GUCY2D: variants seen among roughly 807,000 people sequenced by gnomAD.
GUCY2D encodes the protein guanylate cyclase 2D, retinal.
In GUCY2D, 70 loss-of-function variants were observed where a neutral mutation model predicts 101.3. That is an observed-to-expected ratio of 0.69 (90% confidence interval 0.57 to 0.84). GUCY2D has a LOEUF of 0.84. GUCY2D is among the 40% of genes least tolerant of loss of function. The probability of loss-of-function intolerance (pLI) is 0.00; values close to 1 mark genes in which losing one functional copy is unlikely to be tolerated. For missense variants in GUCY2D, 1,460 were observed against 1,542.5 expected, an observed-to-expected ratio of 0.95 and a Z score of 0.90; for synonymous variants, 688 against 670.7, an observed-to-expected ratio of 1.03 and a Z score of -0.40.
In GUCY2D at chr17:8,013,300, G is replaced by A; in HGVS notation, c.2263+48G>A. 6.3e-7 allele frequency: 1 copy of A among 1,587,218 alleles called. No homozygotes were observed. Among genetic ancestry groups the A allele is most frequent in the East Asian group, 2.2e-5 (1 of 44,700 alleles). On this transcript the variant is annotated intron_variant, in intron 11 of 19. Coordinates refer to ENST00000254854, the MANE Select transcript of GUCY2D (RefSeq NM_000180.4). This position sits in a 1 kb window ranked among gnomAD's most constrained non-coding sequence, Gnocchi z 5.0. ...GTTCGGCCCACAGGGGCACCCTGCA[G>A]TTAGAAAAGAGCCAGCCTCACTCTT...
At chr17:8,015,685 C>T (rs1427160469) in intron 15 of GUCY2D, 58 bp from the exon 16 acceptor site, 3 of 1,361,882 alleles carry the variant, frequency 2.2e-6, no homozygotes, top group Non-Finnish European at 3.1e-6. Context: ...CGAGGCCCTA[C>T]CTAGGTGCAG....
chr17:8,014,401 TC>T lies in GUCY2D; in HGVS notation c.2413-199del. ...GAGATCAACTGACCTCTGGGAACCC[TC>T]ATTTCCCACGTGCCTCCTAATCGTG... On this transcript the variant is annotated intron_variant, in intron 12 of 19. Coordinates refer to ENST00000254854, the MANE Select transcript of GUCY2D (RefSeq NM_000180.4). The surrounding 1 kb of genome is among the most constrained non-coding windows in gnomAD (Gnocchi z 4.0). 1 of 649,490 alleles carries T rather than the reference TC, an allele frequency of 1.5e-6. No individual in the cohort carries two copies. The highest frequency in any genetic ancestry group is 1.7e-5 in the South Asian group (1 of 59,192). 40.2% of individuals were successfully genotyped at this position (649,490 alleles called of 1,614,324 possible).
intron 19 of GUCY2D, among the ~76,000 whole-genome samples, chr17:8,019,289 T>C (rs1032926141): frequency 4.6e-5 from 7 of 152,040 alleles, no homozygotes; most frequent in Non-Finnish European, 1.0e-4. Flanking sequence ...CTGGAGTAGT[T>C]AATGGTGTGT....
intron 19 of GUCY2D, among the ~76,000 whole-genome samples, chr17:8,017,118 C>G (rs1975993536): frequency 6.6e-6 from 1 of 152,218 alleles, no homozygotes. Context: ...AGCTCTGCCT[C>G]AAAGGATTTT....
Position 8,012,368 on chromosome 17 carries a change from G to T in GUCY2D, c.1956+18G>T. 1 of 1,610,654 alleles carries T rather than the reference G, an allele frequency of 6.2e-7. No individual in the cohort carries two copies. Among genetic ancestry groups the T allele is most frequent in the South Asian group, 1.1e-5 (1 of 91,036 alleles). On this transcript the variant is annotated intron_variant, in intron 9 of 19. Coordinates refer to ENST00000254854, the MANE Select transcript of GUCY2D (RefSeq NM_000180.4). The stretch of plus-strand genomic sequence containing the variant: ...TTATCAAGGTGTGTGTCTGGGGGTG[G>T]TGGGGTGACGTCCTGGGGGCAGGGA...
intron 15 of GUCY2D, 72 bp from the exon 16 acceptor site, chr17:8,015,671 C>A: frequency 1.6e-6 from 2 of 1,256,812 alleles, no homozygotes; most frequent in East Asian, 2.5e-5. Context: ...GTGCGAAGAT[C>A]CCCCGAGGCC....
In GUCY2D at chr17:8,006,393, G is replaced by A. The variant is rs774420737; in HGVS notation, c.1057G>A (p.Ala353Thr). ...CCCACTCTTTGGCACCATCTATGAC[G>A]CGGTCTTCTTGCTGGCAAGGGGCGT... ...VSPLFGTIYD[A>T]VFLLARGVAE... The change falls in exon 4 of 20, where the codon GCG becomes ACG. Residue 353 changes from alanine to threonine, a missense_variant. Transcript: ENST00000254854. 2.5e-6 allele frequency: 4 copies of A among 1,601,132 alleles called. No individual in the cohort carries two copies. Among genetic ancestry groups the A allele is most frequent in the Non-Finnish European group, 3.4e-6 (4 of 1,179,960 alleles).
At chr17:8,006,961 C>A in intron 4 of GUCY2D, 99 bp from the exon 5 acceptor site, 1 of 1,007,128 alleles carries the variant, frequency 9.9e-7, no homozygotes, top group Non-Finnish European at 1.6e-6. Context: ...GGGCCCCCAT[C>A]CCCCTTTCCT....
rs1476299518 is a variant in GUCY2D, at chr17:8,011,648, C to T, written c.1750-496C>T. On this transcript the variant is annotated intron_variant, in intron 8 of 19. Transcript: ENST00000254854. The surrounding 1 kb of genome is among the most constrained non-coding windows in gnomAD (Gnocchi z 4.3). ...GACCAGCCTGGGCAACATAGCAAGGCTCCCATCTCTACAGAAAAAAAATTT... is the reference window on the plus strand; with the variant it reads ...GACCAGCCTGGGCAACATAGCAAGGTTCCCATCTCTACAGAAAAAAAATTT... 1.3e-5 allele frequency among the ~76,000 whole-genome samples: 2 copies of T among 152,084 alleles called. No homozygotes were observed. Among genetic ancestry groups the T allele is most frequent in the African/African-American group, 4.8e-5 (2 of 41,402 alleles).
intron 19 of GUCY2D, 133 bp downstream of exon 19, chr17:8,016,687 C>A: frequency 1.7e-6 from 1 of 598,140 alleles, no homozygotes; most frequent in Non-Finnish European, 3.0e-6. Flanking sequence ...CCGGGGCTTC[C>A]CCTGGGAGGG....
At position 8,012,471 on chromosome 17, in the gene GUCY2D, C is replaced by T. The variant is rs61750161; in HGVS notation, c.1978C>T (p.Arg660Ter). ...CAAGGGAATAAGGTATCTGCACCAT[C>T]GAGGCGTGGCTCATGGGCGGCTGAA... ...LIKGIRYLHH[R>*]GVAHGRLKSR... Residue 660 changes from arginine (R) to a stop codon, truncating the protein, a stop_gained, in exon 10 of 20, where the codon CGA (arginine) becomes TGA (stop). Transcript: ENST00000254854. LOFTEE classifies it high-confidence loss of function. The T allele has an allele frequency of 4.3e-6, 7 of 1,614,052 alleles. No homozygotes were observed. Among genetic ancestry groups the T allele is most frequent in the East Asian group, 4.5e-5 (2 of 44,886 alleles).
Position 8,015,106 on chromosome 17 carries a change from C to T in GUCY2D, c.2769+55C>T, listed in dbSNP as rs575870524. 3 of 1,461,432 alleles carry T rather than the reference C, an allele frequency of 2.1e-6. No individual in the cohort carries two copies. The African/African-American group carries it at 4.2e-5, about 20-fold the overall frequency. 90.5% of individuals were successfully genotyped at this position (1,461,432 alleles called of 1,614,324 possible). ...ACCTTCAATTCAGCTTCACCAGCCT[C>T]CAGCCCAGCCCTTCCTGCGCAGCCC... On this transcript the variant is annotated intron_variant, in intron 14 of 19. Coordinates refer to ENST00000254854, the MANE Select transcript of GUCY2D (RefSeq NM_000180.4).
rs1975969639 is a variant in GUCY2D at position 8,016,177 on chromosome 17, A to C, written c.3139-28A>C. On this transcript the variant is annotated intron_variant, in intron 17 of 19. Transcript: ENST00000254854. ...CCCACCCCTCACCCCAGTCCGCCTAAGTCCTTCCCTCTCCCATGTCTCCCC... is the reference window on the plus strand; with the variant it reads ...CCCACCCCTCACCCCAGTCCGCCTACGTCCTTCCCTCTCCCATGTCTCCCC... 2.0e-6 allele frequency: 3 copies of C among 1,499,944 alleles called. No individual in the cohort carries two copies. In the Admixed American group the frequency reaches 5.7e-5, roughly 29 times the overall value. 92.9% of individuals were successfully genotyped at this position (1,499,944 alleles called of 1,614,324 possible). A position where few individuals can be genotyped will look rare whatever the true frequency, so the allele number is the denominator to read the frequency against.
At position 8,016,287 on chromosome 17, in the gene GUCY2D, C is replaced by G. The variant is rs752784361; in HGVS notation, c.3221C>G (p.Pro1074Arg). The G allele has an allele frequency of 1.3e-6, 2 of 1,565,074 alleles. No individual in the cohort carries two copies. Among genetic ancestry groups the G allele is most frequent in the South Asian group, 1.2e-5 (1 of 85,308 alleles). Reference protein sequence around the residue: ...KPIPKPPDLQPGSSNHGISLQ... With the variant: ...KPIPKPPDLQRGSSNHGISLQ... ...ATCCCCAAACCGCCTGACCTGCAACCGGGGTGAGGGGCCGGCCTCCGCGGC... is the reference window on the plus strand; with the variant it reads ...ATCCCCAAACCGCCTGACCTGCAACGGGGGTGAGGGGCCGGCCTCCGCGGC... Residue 1074 changes from proline to arginine, a missense_variant, in exon 18 of 20, where the codon CCG becomes CGG. This residue lies in a region of GUCY2D where 215 missense variants were observed against 227.9 expected (regional missense o/e 0.94). Coordinates refer to ENST00000254854, the MANE Select transcript of GUCY2D (RefSeq NM_000180.4).
At position 8,014,611 on chromosome 17, in the gene GUCY2D, T is replaced by C; in HGVS notation, c.2423T>C (p.Ile808Thr). Reference protein sequence around the residue: ...MDHTFDLFKNINKGRKTNIID... With the variant: ...MDHTFDLFKNTNKGRKTNIID... ...TCCTTCTACTGCTAGTTCAAGAACATCAACAAGGGCCGGAAGACGAACATC... is the reference window on the plus strand; with the variant it reads ...TCCTTCTACTGCTAGTTCAAGAACACCAACAAGGGCCGGAAGACGAACATC... Residue 808 changes from isoleucine to threonine, a missense_variant, in exon 13 of 20, where the codon ATC becomes ACC. Around this residue, in one of 3 missense-constraint regions of GUCY2D, gnomAD observed 1,196 missense variants for 1,229.6 expected, o/e 0.97. Transcript: ENST00000254854. This position sits in a 1 kb window ranked among gnomAD's most constrained non-coding sequence, Gnocchi z 4.0. The C allele has an allele frequency of 6.2e-7, 1 of 1,614,082 alleles. No individual in the cohort carries two copies. The highest frequency in any genetic ancestry group is 1.1e-5 in the South Asian group (1 of 91,072).
rs752736704 is a variant in GUCY2D, at chr17:8,016,072, C to T, written c.3138+51C>T. ...GGAGGCCCCGCCCTGTCCTGAGGCACCGCCCATCCCGGGCCGCGGCTGCAA... is the reference window on the plus strand; with the variant it reads ...GGAGGCCCCGCCCTGTCCTGAGGCATCGCCCATCCCGGGCCGCGGCTGCAA... On this transcript the variant is annotated intron_variant, in intron 17 of 19. Transcript: ENST00000254854. 1.7e-5 allele frequency: 25 copies of T among 1,489,834 alleles called. No homozygotes were observed. In the Middle Eastern group the frequency reaches 2.5e-3, roughly 152 times the overall value. The allele number at this position is 1,489,834 out of a possible 1,614,324, so 92.3% of individuals were successfully genotyped here.
intron 19 of GUCY2D, among the ~76,000 whole-genome samples, chr17:8,018,999 A>T (rs915039223): frequency 2.6e-5 from 4 of 152,222 alleles, no homozygotes; most frequent in African/African-American, 9.7e-5. Context: ...GTGCAATTTT[A>T]AAAACATTTT....
In GUCY2D at chr17:8,015,505, AACTC is replaced by A. The variant is rs1181050710; in HGVS notation, c.2944+4_2944+7del. On this transcript the variant is annotated splice_donor_5th_base_variant and intron_variant, in intron 15 of 19. Coordinates refer to ENST00000254854, the MANE Select transcript of GUCY2D (RefSeq NM_000180.4). ...CATCCGCATAGGCCTGCACTCGGGT[AACTC>A]CCGGGTCTTCCCAGGCTCCAGCCCA... 6.2e-7 allele frequency: 1 copy of A among 1,609,430 alleles called. No homozygotes were observed. The highest frequency in any genetic ancestry group is 8.5e-7 in the Non-Finnish European group (1 of 1,178,416).
Position 8,006,675 on chromosome 17 carries a change from C to T in GUCY2D, c.1339C>T (p.Pro447Ser), listed in dbSNP as rs1029006549. Residue 447 changes from proline to serine, a missense_variant, in exon 4 of 20, where the codon CCC becomes TCC. Physicochemically the swap from Pro to Ser is moderately conservative, Grantham distance 74. This residue lies in a region of GUCY2D where 1,196 missense variants were observed against 1,229.6 expected (regional missense o/e 0.97). Coordinates refer to ENST00000254854, the MANE Select transcript of GUCY2D (RefSeq NM_000180.4). ...PRGGSAPGPDPSCWFDPNNIC... is the reference protein window; with the variant it reads ...PRGGSAPGPDSSCWFDPNNIC... ...TGGGGGATCAGCACCCGGACCTGAC[C>T]CCTCGTGCTGGTTCGATCCAAACAA... 2 of 1,611,626 alleles carry T rather than the reference C, an allele frequency of 1.2e-6. No individual in the cohort carries two copies. The highest frequency in any genetic ancestry group is 1.7e-5 in the Admixed American group (1 of 59,854).
Sources: gnomAD v4.1 joint callset for allele counts (sites outside exome capture counted in the v4.1 genomes callset) on GRCh38, gnomAD v4.1.1 for gene constraint, gnomAD v4.1.1 regional missense constraint, Gnocchi (gnomAD v3.1) non-coding constraint, MANE v1.5 for transcripts, NCBI Gene and HGNC (gene_info 2026-07-23, HGNC 2026-07-21) for gene names.